Variants in CCDC9 observed in about 807,000 individuals in gnomAD.
CCDC9 encodes coiled-coil domain-containing protein 9.
A neutral mutation model predicts 65.6 loss-of-function variants in CCDC9; 52 were observed. That is an observed-to-expected ratio of 0.79 (90% CI 0.63 to 1.00). The LOEUF is 1.00. CCDC9 is among the 50% of genes least tolerant of loss of function. The pLI is 0.00. For missense variants in CCDC9, 834 were observed against 757.2 expected (o/e 1.10, Z -1.19); for synonymous variants, 332 against 280.3 (o/e 1.18, Z -1.84).
chr19:47,271,217 G>C, intron 11 of CCDC9, 30 bp downstream of exon 11: 1 of 1,607,408 alleles, frequency 6.2e-7, no homozygotes, highest in Non-Finnish European at 8.5e-7. Flanking sequence ...CAGGGCACGG[G>C]CCTGGGGTGG....
chr19:47,257,104 G>A (rs2059015244), intron 1 of CCDC9, among the ~76,000 whole-genome samples: 1 of 150,438 alleles, frequency 6.6e-6, no homozygotes, highest in Non-Finnish European at 1.5e-5. Context: ...AGAAAGTTTC[G>A]TCTGAGCCAC....
chr19:47,274,466 G>T (rs115292041), downstream of CCDC9: 2,788 of 153,686 alleles, frequency 0.018, 119 homozygotes, highest in African/African-American at 0.064. Context: ...GTAGCGGGCA[G>T]GGCTCGAGCA....
Position 47,271,446 on chromosome 19 carries a change from C to A in CCDC9, c.1364C>A (p.Ala455Asp). ...GCCCAAGACCACCAAGCCCCAGAGG[C>A]TGCCCCCACCGGGATCCCCTGCAGT... is the stretch of plus-strand genomic sequence containing the variant. ...EPAQDHQAPE[A>D]APTGIPCSEQ... The change falls in exon 12 of 12, where the codon GCT becomes GAT. Residue 455 changes from alanine to aspartate, a missense_variant. Physicochemically the swap from Ala to Asp is moderately radical, Grantham distance 126. Transcript: ENST00000221922. 1 of 1,613,874 alleles carries A rather than the reference C, an allele frequency of 6.2e-7. No homozygotes were observed. Among genetic ancestry groups the A allele is most frequent in the South Asian group, 1.1e-5 (1 of 91,070 alleles).
downstream of CCDC9, among the ~76,000 whole-genome samples, chr19:47,272,570 C>G (rs1204463591): frequency 1.3e-4 from 19 of 151,970 alleles, no homozygotes; most frequent in Admixed American, 1.2e-3. Flanking sequence ...TGCAGTGAGC[C>G]GAGATCGCTC....
Position 47,266,751 on chromosome 19 carries a change from C to G in CCDC9, c.861C>G (p.Gly287=). ...TGCAGAGGCACCGCAAGCCCACTGGCCAGTGGAGGCGCGAGTGGGATGCCG... is the reference window on the plus strand; with the variant it reads ...TGCAGAGGCACCGCAAGCCCACTGGGCAGTGGAGGCGCGAGTGGGATGCCG... ...ERLQRHRKPT[G]QWRREWDAEK... The change falls in exon 8 of 12, where the codon GGC becomes GGG. Residue 287 remains glycine (G), a synonymous_variant. Transcript: ENST00000221922. 1 of 1,611,282 alleles carries G rather than the reference C, an allele frequency of 6.2e-7. No individual in the cohort carries two copies. Among genetic ancestry groups the G allele is most frequent in the South Asian group, 1.1e-5 (1 of 90,542 alleles).
intron 10 of CCDC9, 55 bp downstream of exon 10, chr19:47,270,743 C>G: frequency 6.5e-7 from 1 of 1,530,316 alleles, no homozygotes; most frequent in Middle Eastern, 2.4e-4. Context: ...GCAGGGCGTT[C>G]TCTTCTTTGG....
chr19:47,273,634 A>G (rs2059138029), downstream of CCDC9: 2 of 392,198 alleles, frequency 5.1e-6, no homozygotes, highest in Non-Finnish European at 9.0e-6. Flanking sequence ...GGCCCCACCA[A>G]CGGGGGACGT....
downstream of CCDC9, chr19:47,275,055 C>T (rs777859915): frequency 1.9e-5 from 28 of 1,493,754 alleles, no homozygotes; most frequent in Non-Finnish European, 2.3e-5. Context: ...AGCTGCCGTG[C>T]TGCTCGCCGT....
downstream of CCDC9, chr19:47,273,212 G>A (rs934954416): frequency 4.3e-5 from 18 of 415,430 alleles, no homozygotes; most frequent in Non-Finnish European, 7.0e-5. Context: ...ATTAGTCTGG[G>A]CCCCGTAAAC....
intron 8 of CCDC9, 72 bp downstream of exon 8, chr19:47,266,864 C>G (rs779139148): frequency 2.0e-6 from 3 of 1,518,268 alleles, no homozygotes; most frequent in Non-Finnish European, 2.7e-6. Context: ...TCCTATGCCT[C>G]TCTCTGGTTT....
At chr19:47,270,314 G>A in intron 8 of CCDC9, 93 bp from the exon 9 acceptor site, 1 of 1,249,022 alleles carries the variant, frequency 8.0e-7, no homozygotes, top group Non-Finnish European at 1.2e-6. Context: ...GTCTGTCTCT[G>A]ATCCGATTCC....
In CCDC9 at chr19:47,270,612, C is replaced by T. The variant is rs774616334; in HGVS notation, c.1009C>T (p.His337Tyr). 2.5e-6 allele frequency: 4 copies of T among 1,613,356 alleles called. No individual in the cohort carries two copies. Among genetic ancestry groups the T allele is most frequent in the South Asian group, 1.1e-5 (1 of 91,044 alleles). ...PPTFGEFLSQ[H>Y]KAEASSRRRR... ...TACTTTTGGGGAGTTCCTGTCCCAG[C>T]ACAAAGCTGAGGCCAGCAGCCGCAG... The change falls in exon 10 of 12, where the codon CAC becomes TAC. Residue 337 changes from histidine (H) to tyrosine (Y), a missense_variant. Coordinates refer to ENST00000221922, the MANE Select transcript of CCDC9 (RefSeq NM_015603.3).
Position 47,270,635 on chromosome 19 carries a change from C to T in CCDC9, c.1032C>T (p.Arg344=). Residue 344 remains arginine, a synonymous_variant, in exon 10 of 12, where the codon CGC becomes CGT. Coordinates refer to ENST00000221922, the MANE Select transcript of CCDC9 (RefSeq NM_015603.3). ...AGCACAAAGCTGAGGCCAGCAGCCG[C>T]AGAAGGAGAAAGAGCAGTCGGCCCC... is the stretch of plus-strand genomic sequence containing the variant. The part of the protein sequence containing the change: ...LSQHKAEASS[R]RRRKSSRPQA... 1 of 1,612,932 alleles carries T rather than the reference C, an allele frequency of 6.2e-7. No individual in the cohort carries two copies. The highest frequency in any genetic ancestry group is 1.1e-5 in the South Asian group (1 of 91,018).
intron 5 of CCDC9, among the ~76,000 whole-genome samples, chr19:47,261,678 C>T (rs900678560): frequency 3.5e-5 from 5 of 141,982 alleles, no homozygotes; most frequent in African/African-American, 1.3e-4. Context: ...TGCCACTGCA[C>T]TCCAGCCTGG....
chr19:47,258,756 C>T, intron 3 of CCDC9, 93 bp downstream of exon 3: 5 of 895,656 alleles, frequency 5.6e-6, no homozygotes, highest in Non-Finnish European at 9.2e-6. Flanking sequence ...TTTCATGGCT[C>T]CCCATCACTG....
At chr19:47,272,055 C>T, downstream of CCDC9, 1 of 1,237,096 alleles carries the variant, frequency 8.1e-7, no homozygotes, top group East Asian at 3.1e-5. Context: ...TTGACTGGGG[C>T]TCCCCTTCCC....
rs371285796 is a variant in CCDC9 at position 47,267,254 on chromosome 19, G to A, written c.902+462G>A. 8.9e-4 allele frequency among the ~76,000 whole-genome samples: 135 copies of A among 151,782 alleles called. 1 individual carries two copies. The East Asian group carries it at 0.025, about 28-fold the overall frequency. On this transcript the variant is annotated intron_variant, in intron 8 of 11. Coordinates refer to ENST00000221922, the MANE Select transcript of CCDC9 (RefSeq NM_015603.3). ...GCTGAGATTACAGGCGTGAGCCACCGCGCGCGGCCGAGCATTTCTGGTTTT... is the reference window on the plus strand; with the variant it reads ...GCTGAGATTACAGGCGTGAGCCACCACGCGCGGCCGAGCATTTCTGGTTTT...
intron 5 of CCDC9, among the ~76,000 whole-genome samples, chr19:47,261,111 T>A (rs1057229109): frequency 6.6e-6 from 1 of 152,048 alleles, no homozygotes; most frequent in Non-Finnish European, 1.5e-5. Context: ...CCCGTCTTCT[T>A]GTTCCTCCTC....
intron 8 of CCDC9, among the ~76,000 whole-genome samples, chr19:47,268,944 A>T (rs1568640543): frequency 6.6e-6 from 1 of 151,462 alleles, no homozygotes; most frequent in Non-Finnish European, 1.5e-5. Flanking sequence ...AATAATAATA[A>T]TGTGTGTCTG....
Sources: gnomAD v4.1 joint callset for allele counts (sites outside exome capture counted in the v4.1 genomes callset) on GRCh38, gnomAD v4.1.1 for gene constraint, MANE v1.5 for transcripts, NCBI Gene and HGNC (gene_info 2026-07-23, HGNC 2026-07-21) for gene names.